Variants in ATG7 observed in about 807,000 individuals in gnomAD.
ATG7 encodes the protein autophagy related 7.
ATG7 carries 70 observed loss-of-function variants against 82.4 expected under a neutral mutation model. That is an observed-to-expected ratio of 0.85 (90% CI 0.70 to 1.04). The LOEUF is 1.04. Ranked by LOEUF, ATG7 falls within the 50% of genes least tolerant of loss-of-function variation. The pLI is 0.00. For missense variants in ATG7, 792 were observed against 864.3 expected, an observed-to-expected ratio of 0.92 and a Z score of 1.05; for synonymous variants, 287 against 313.0, an observed-to-expected ratio of 0.92 and a Z score of 0.88.
chr3:11,290,445 G>GT, intron 3 of ATG7: 3 of 262,104 alleles, frequency 1.1e-5, no homozygotes, highest in South Asian at 1.0e-4. Context: ...GTATTTATCA[G>GT]TTTTCTTCTC....
chr3:11,525,624 G>A (rs1394022178), intron 20 of ATG7, among the ~76,000 whole-genome samples: 2 of 148,590 alleles, frequency 1.3e-5, no homozygotes, highest in Admixed American at 6.8e-5. Flanking sequence ...GCGTGATCTC[G>A]GCTCACTGTA....
chr3:11,552,957 A>C (rs952883743), intron 20 of ATG7, among the ~76,000 whole-genome samples: 1 of 152,184 alleles, frequency 6.6e-6, no homozygotes, highest in African/African-American at 2.4e-5. Context: ...GCCCCGGCCC[A>C]GGCCCGAGTC....
At chr3:11,472,497 G>A (rs1229721739) in intron 20 of ATG7, among the ~76,000 whole-genome samples, 1 of 152,142 alleles carries the variant, frequency 6.6e-6, no homozygotes, top group Non-Finnish European at 1.5e-5. Context: ...TAGGGTTAGG[G>A]GTGGAATAGT....
chr3:11,347,070 T>C (rs960074732), intron 13 of ATG7, among the ~76,000 whole-genome samples: 4 of 152,230 alleles, frequency 2.6e-5, no homozygotes, highest in African/African-American at 4.8e-5. Flanking sequence ...TACTAAAATA[T>C]ACCCACTGTA....
At chr3:11,536,858 G>A (rs1423791550) in intron 20 of ATG7, among the ~76,000 whole-genome samples, 5 of 152,152 alleles carry the variant, frequency 3.3e-5, no homozygotes, top group Admixed American at 1.3e-4. Context: ...TTAATGTTGT[G>A]CAAGATCATG....
chr3:11,337,469 G>GCT (rs66816143), intron 11 of ATG7, among the ~76,000 whole-genome samples: 9,687 of 149,258 alleles, frequency 0.065, 328 homozygotes, highest in South Asian at 0.074. Context: ...TGTCTTTCTA[G>GCT]CTCTCTCTCT....
chr3:11,508,681 G>A (rs1359601861), intron 20 of ATG7, among the ~76,000 whole-genome samples: 1 of 152,152 alleles, frequency 6.6e-6, no homozygotes, highest in Non-Finnish European at 1.5e-5. Context: ...CAACTCTTGG[G>A]CTCAAGTGAT....
intron 5 of ATG7, among the ~76,000 whole-genome samples, chr3:11,306,538 C>T (rs974674201): frequency 1.3e-5 from 2 of 152,172 alleles, no homozygotes; most frequent in African/African-American, 4.8e-5. Flanking sequence ...TAGATTCAAG[C>T]TCTGCCTATT....
At chr3:11,345,375 C>G (rs1350634272) in intron 13 of ATG7, among the ~76,000 whole-genome samples, 1 of 152,182 alleles carries the variant, frequency 6.6e-6, no homozygotes, top group Non-Finnish European at 1.5e-5. Flanking sequence ...CGCCACTGCA[C>G]TCCAGCCTGG....
chr3:11,342,379 C>T, intron 13 of ATG7, 100 bp downstream of exon 13: 1 of 1,369,544 alleles, frequency 7.3e-7, no homozygotes, highest in South Asian at 1.5e-5. Flanking sequence ...CTCCCCATCC[C>T]CTCCATCTCT....
chr3:11,435,507 A>G (rs2083291072), intron 20 of ATG7, among the ~76,000 whole-genome samples: 1 of 152,164 alleles, frequency 6.6e-6, no homozygotes, highest in Admixed American at 6.5e-5. Flanking sequence ...CTGAATGTGT[A>G]ATAACAGGAG....
Position 11,416,948 on chromosome 3 carries a change from A to G in ATG7, c.1957-9856A>G, listed in dbSNP as rs148518811. ...TTTTAAATTTATCTTGAGATTTTTT[A>G]TTCATGTGTTATTGTTCAACCTTAC... is the stretch of plus-strand genomic sequence containing the variant. On this transcript the variant is annotated intron_variant, in intron 19 of 20. Coordinates refer to ENST00000693202, the MANE Select transcript of ATG7 (RefSeq NM_001349232.2). Among the ~76,000 whole-genome samples, 10 of 151,908 alleles carry G rather than the reference A, an allele frequency of 6.6e-5. No individual in the cohort carries two copies. The East Asian group carries it at 1.9e-3, about 29-fold the overall frequency.
At chr3:11,371,489 T>C (rs139998159) in intron 18 of ATG7, among the ~76,000 whole-genome samples, 1 of 151,036 alleles carries the variant, frequency 6.6e-6, no homozygotes, top group African/African-American at 2.4e-5. Flanking sequence ...GCATGGAGAA[T>C]AGACTGGAGG....
At chr3:11,357,817 C>A (rs1156443748) in intron 14 of ATG7, among the ~76,000 whole-genome samples, 1 of 151,812 alleles carries the variant, frequency 6.6e-6, no homozygotes, top group East Asian at 1.9e-4. Flanking sequence ...CGAGAGCAGC[C>A]TGGGCAACAT....
intron 9 of ATG7, among the ~76,000 whole-genome samples, chr3:11,319,397 C>T (rs1949902055): frequency 6.6e-6 from 1 of 152,194 alleles, no homozygotes; most frequent in Non-Finnish European, 1.5e-5. Flanking sequence ...CCTCCTCCTA[C>T]CAGCACTTTG....
intron 19 of ATG7, among the ~76,000 whole-genome samples, chr3:11,385,061 T>C (rs2078215048): frequency 6.6e-6 from 1 of 152,160 alleles, no homozygotes. Context: ...GACGGAGTCT[T>C]GCTCACTTGC....
At chr3:11,564,840 G>A in the ATG7 span, 20 of 1,600,392 alleles carry the variant, frequency 1.2e-5, no homozygotes, top group African/African-American at 2.1e-4. Context: ...GAGGCCGGCT[G>A]GCCTGCTGGC....
intron 20 of ATG7, among the ~76,000 whole-genome samples, chr3:11,541,390 G>A (rs2070821238): frequency 6.6e-6 from 1 of 152,066 alleles, no homozygotes; most frequent in Non-Finnish European, 1.5e-5. Flanking sequence ...CGTGTTTGTG[G>A]GTCTGTTTCT....
rs1943184651 is a variant in ATG7, at chr3:11,282,181, C to T, written c.-256-12C>T. The T allele has an allele frequency of 6.6e-6, 1 of 152,174 alleles. No individual in the cohort carries two copies. Among genetic ancestry groups the T allele is most frequent in the Non-Finnish European group, 1.5e-5 (1 of 68,048 alleles). The allele number at this position is 152,174 out of a possible 1,614,324, so 9.4% of individuals were successfully genotyped here. On this transcript the variant is annotated splice_polypyrimidine_tract_variant and intron_variant, in intron 2 of 20. Transcript: ENST00000693202. ...CCACATTTTCTCAGCTGTCACTGTC[C>T]CTCCCATGTAGGCTTCTCAAACCCC...
Sources: allele counts gnomAD v4.1 joint callset (sites outside exome capture counted in the v4.1 genomes callset), GRCh38; gene constraint gnomAD v4.1.1; transcripts MANE v1.5; gene names NCBI Gene and HGNC (gene_info 2026-07-23, HGNC 2026-07-21).